Variants in BANK1 observed in about 807,000 individuals in gnomAD.
BANK1 encodes the protein B-cell scaffold protein with ankyrin repeats.
In BANK1, 95 loss-of-function variants were observed where a neutral mutation model predicts 94.5. The observed-to-expected ratio is 1.00, with a 90% CI of 0.85 to 1.19. BANK1 has a LOEUF of 1.19. Ranked by LOEUF, BANK1 falls within the 50% of genes most tolerant of loss-of-function variation. BANK1 has a pLI of 0.00. For synonymous variants in BANK1, 334 were observed against 308.4 expected, an observed-to-expected ratio of 1.08 and a Z score of -0.87; for missense variants, 987 against 932.2, an observed-to-expected ratio of 1.06 and a Z score of -0.77.
Position 101,908,435 on chromosome 4 carries a change from C to T in BANK1, c.1010-9558C>T, listed in dbSNP as rs374934320. Among the ~76,000 whole-genome samples, 85 of 152,126 alleles carry T rather than the reference C, an allele frequency of 5.6e-4. 1 individual carries two copies. The highest frequency in any genetic ancestry group is 1.7e-3 in the Admixed American group (26 of 15,278). On this transcript the variant is annotated intron_variant, in intron 6 of 16. Coordinates refer to ENST00000322953, the MANE Select transcript of BANK1 (RefSeq NM_017935.5). ...ATGGATTAAAGACTTAAATGTGAGA[C>T]GTAAAACCATAAAAACCCTAGAAGA... is the stretch of plus-strand genomic sequence containing the variant.
chr4:101,803,997 C>CAAAAAAAAA (rs55704915), intron 1 of BANK1, among the ~76,000 whole-genome samples: 3 of 68,408 alleles, frequency 4.4e-5, no homozygotes, highest in Non-Finnish European at 7.2e-5. Flanking sequence ...GACTCCGTCT[C>CAAAAAAAAA]AAAAAAAAAA....
chr4:101,867,358 A>G (rs1394974640), intron 4 of BANK1, among the ~76,000 whole-genome samples: 2 of 152,068 alleles, frequency 1.3e-5, no homozygotes, highest in African/African-American at 4.8e-5. Context: ...TTTTTCAAAC[A>G]GAAAAATGAA....
intron 7 of BANK1, among the ~76,000 whole-genome samples, chr4:102,014,214 G>A (rs921288312): frequency 1.3e-5 from 2 of 152,206 alleles, no homozygotes; most frequent in East Asian, 1.9e-4. Flanking sequence ...CACAACTAGA[G>A]TATAGTAAAA....
intron 7 of BANK1, among the ~76,000 whole-genome samples, chr4:101,997,169 C>G (rs1037326695): frequency 1.3e-5 from 2 of 152,106 alleles, no homozygotes; most frequent in African/African-American, 4.8e-5. Flanking sequence ...AAGGTCCTTT[C>G]TGCGTCTATT....
At chr4:102,033,768 A>G (rs1293873828) in intron 10 of BANK1, among the ~76,000 whole-genome samples, 2 of 152,180 alleles carry the variant, frequency 1.3e-5, no homozygotes, top group African/African-American at 2.4e-5. Flanking sequence ...TTTTTTGGCA[A>G]TTAAGTATAT....
intron 2 of BANK1, among the ~76,000 whole-genome samples, chr4:101,845,137 A>C (rs1188803375): frequency 6.6e-6 from 1 of 152,184 alleles, no homozygotes; most frequent in Non-Finnish European, 1.5e-5. Flanking sequence ...AAAATATGAA[A>C]CTAAATACTA....
At chr4:101,806,695 A>G (rs1273589346) in intron 1 of BANK1, among the ~76,000 whole-genome samples, 1 of 152,218 alleles carries the variant, frequency 6.6e-6, no homozygotes, top group Non-Finnish European at 1.5e-5. Flanking sequence ...AACACTGCAG[A>G]GATGAAAATA....
rs1726110985 is a variant in BANK1, at chr4:101,820,768, C to T, written c.71-9040C>T. Among the ~76,000 whole-genome samples the T allele has an allele frequency of 2.6e-5, 4 of 152,150 alleles. No homozygotes were observed. In the South Asian group the frequency reaches 8.3e-4, roughly 32 times the overall value. ...GAATTAGTTTGCTGAGAATAATAGC[C>T]TCCAGCTTCATTCATGTTCCCACAA... On this transcript the variant is annotated intron_variant, in intron 1 of 16. Coordinates refer to ENST00000322953, the MANE Select transcript of BANK1 (RefSeq NM_017935.5).
At chr4:101,791,016 C>A in intron 1 of BANK1, 66 bp downstream of exon 1, 1 of 1,310,274 alleles carries the variant, frequency 7.6e-7, no homozygotes, top group Non-Finnish European at 1.0e-6. Flanking sequence ...GCGGAGACCA[C>A]GGGCCATCGT....
At chr4:102,051,243 G>A (rs1020302592) in intron 11 of BANK1, among the ~76,000 whole-genome samples, 1 of 152,032 alleles carries the variant, frequency 6.6e-6, no homozygotes, top group Non-Finnish European at 1.5e-5. Context: ...CAGAAAAGAG[G>A]GAAAATTGTC....
chr4:101,952,566 C>T (rs1236461326), intron 7 of BANK1, among the ~76,000 whole-genome samples: 1 of 152,084 alleles, frequency 6.6e-6, no homozygotes, highest in East Asian at 1.9e-4. Context: ...GAGTGCTTGG[C>T]ATATGATTAT....
intron 7 of BANK1, among the ~76,000 whole-genome samples, chr4:101,957,682 ATTTTATTT>A (rs1724393427): frequency 1.3e-5 from 2 of 152,216 alleles, no homozygotes; most frequent in Non-Finnish European, 2.9e-5. Context: ...AAAGTCTTGA[ATTTTATTT>A]AATGTATTAA....
At chr4:102,058,178 A>G (rs1293371370) in intron 11 of BANK1, among the ~76,000 whole-genome samples, 1 of 152,102 alleles carries the variant, frequency 6.6e-6, no homozygotes, top group African/African-American at 2.4e-5. Context: ...CCAGTCTCCT[A>G]GTAAATAATT....
intron 10 of BANK1, among the ~76,000 whole-genome samples, chr4:102,038,963 T>C (rs79088126): frequency 0.021 from 3,153 of 152,244 alleles, 121 homozygotes; most frequent in African/African-American, 0.072. Context: ...ATACCACCAC[T>C]GAATTAGAAT....
chr4:101,819,437 C>A (rs2148858345), intron 1 of BANK1, among the ~76,000 whole-genome samples: 1 of 152,202 alleles, frequency 6.6e-6, no homozygotes, highest in East Asian at 1.9e-4. Flanking sequence ...AGTTTTTGCA[C>A]CCCAAACAAG....
At chr4:101,924,434 T>A (rs1259333343) in intron 7 of BANK1, among the ~76,000 whole-genome samples, 1 of 151,838 alleles carries the variant, frequency 6.6e-6, no homozygotes, top group Non-Finnish European at 1.5e-5. Flanking sequence ...GCAATCAGTG[T>A]CTGTACACTC....
chr4:101,923,863 T>C (rs1017355342), intron 7 of BANK1, among the ~76,000 whole-genome samples: 1 of 151,750 alleles, frequency 6.6e-6, no homozygotes, highest in Admixed American at 6.6e-5. Context: ...CAAAAGACTA[T>C]GCATCTATTA....
chr4:101,970,640 T>C (rs997989592), intron 7 of BANK1, among the ~76,000 whole-genome samples: 10 of 151,964 alleles, frequency 6.6e-5, no homozygotes, highest in African/African-American at 2.4e-4. Flanking sequence ...GATAATTAAA[T>C]AGAAAATGAG....
At chr4:101,930,094 T>G (rs1468290714) in intron 7 of BANK1, among the ~76,000 whole-genome samples, 1 of 151,308 alleles carries the variant, frequency 6.6e-6, no homozygotes, top group African/African-American at 2.4e-5. Flanking sequence ...ATATCAGAGT[T>G]TATAGTTCCA....
Sources: allele counts gnomAD v4.1 joint callset (sites outside exome capture counted in the v4.1 genomes callset), GRCh38; gene constraint gnomAD v4.1.1; transcripts MANE v1.5; gene names NCBI Gene and HGNC (gene_info 2026-07-23, HGNC 2026-07-21).